GRID2: variants seen among roughly 807,000 people sequenced by gnomAD.
GRID2 encodes glutamate receptor ionotropic, delta-2.
Under a neutral mutation model 114.8 loss-of-function variants are expected in GRID2, and 33 were observed. The ratio of observed to expected loss-of-function variants is 0.29; its 90% confidence interval spans 0.22 to 0.38. The LOEUF (loss-of-function observed/expected upper bound fraction) is 0.38, where lower values mean the gene tolerates loss of function less well. Ranked by LOEUF, GRID2 falls within the 10% of genes least tolerant of loss-of-function variation. The probability of loss-of-function intolerance (pLI) is 1.00; values close to 1 mark genes in which losing one functional copy is unlikely to be tolerated. For synonymous variants in GRID2, 505 were observed against 449.9 expected (o/e 1.12, Z -1.55); for missense variants, 1,184 against 1,257.7 (o/e 0.94, Z 0.89).
chr4:92,635,262 T>C (rs1731012566), intron 2 of GRID2, among the ~76,000 whole-genome samples: 1 of 152,084 alleles, frequency 6.6e-6, no homozygotes, highest in South Asian at 2.1e-4. Context: ...GTTTTTAAAT[T>C]GTGATGGCTA....
Position 93,062,103 on chromosome 4 carries a change from T to C in GRID2, c.245-22892T>C, listed in dbSNP as rs72885767. Among the ~76,000 whole-genome samples the C allele has an allele frequency of 8.4e-3, 1,281 of 152,284 alleles. 27 individuals carry two copies. The highest frequency in any genetic ancestry group is 0.029 in the African/African-American group (1,215 of 41,574). On this transcript the variant is annotated intron_variant, in intron 2 of 15. Transcript: ENST00000282020. ...GAGGCAGTTACAGACTTGCTGTTAA[T>C]TCTTTTATTCCCAGGAGCTATATAA...
At position 92,581,804 on chromosome 4, in the gene GRID2, C is replaced by T. The variant is rs140724667; in HGVS notation, c.89-8327C>T. ...GGTGTCTGAATTATTAAAAATATTT[C>T]GGACACTAGCTAAATGTAAATTACA... On this transcript the variant is annotated intron_variant, in intron 1 of 15. Coordinates refer to ENST00000282020, the MANE Select transcript of GRID2 (RefSeq NM_001510.4). 1.0e-3 allele frequency among the ~76,000 whole-genome samples: 157 copies of T among 152,100 alleles called. 1 individual carries two copies. Among genetic ancestry groups the T allele is most frequent in the Middle Eastern group, 3.4e-3 (1 of 294 alleles).
Position 93,689,231 on chromosome 4 carries a change from T to A in GRID2, c.2360+62796T>A, listed in dbSNP as rs140439441. The stretch of plus-strand genomic sequence containing the variant: ...TGTAAGAAAGTTAATTTCTGTGGTT[T>A]AAGCCACCCAGTCTGTGGTACTTTG... On this transcript the variant is annotated intron_variant, in intron 14 of 15. Coordinates refer to ENST00000282020, the MANE Select transcript of GRID2 (RefSeq NM_001510.4). 4.0e-3 allele frequency among the ~76,000 whole-genome samples: 601 copies of A among 152,132 alleles called. 2 individuals carry two copies. Among genetic ancestry groups the A allele is most frequent in the Non-Finnish European group, 6.6e-3 (450 of 67,928 alleles).
At chr4:92,865,181 C>T (rs1744775795) in intron 2 of GRID2, among the ~76,000 whole-genome samples, 1 of 152,150 alleles carries the variant, frequency 6.6e-6, no homozygotes, top group African/African-American at 2.4e-5. Context: ...AACCCTAGAG[C>T]ACCAATTGTT....
chr4:92,672,733 C>A (rs1485804695), intron 2 of GRID2, among the ~76,000 whole-genome samples: 2 of 151,880 alleles, frequency 1.3e-5, no homozygotes, highest in Middle Eastern at 3.2e-3. Context: ...ATTTAGGGGG[C>A]ACATGTTTAT....
intron 4 of GRID2, among the ~76,000 whole-genome samples, chr4:93,141,462 C>A (rs1393191301): frequency 1.3e-5 from 2 of 152,024 alleles, no homozygotes; most frequent in Admixed American, 1.3e-4. Context: ...CAGTTTCAAG[C>A]CTCTGAGATA....
At chr4:92,640,527 A>C (rs991304102) in intron 2 of GRID2, among the ~76,000 whole-genome samples, 22 of 151,908 alleles carry the variant, frequency 1.4e-4, no homozygotes, top group Admixed American at 1.2e-3. Context: ...GCTAAAGCCC[A>C]GGATATGACT....
intron 8 of GRID2, among the ~76,000 whole-genome samples, chr4:93,310,619 T>C (rs1755912376): frequency 6.6e-6 from 1 of 152,032 alleles, no homozygotes; most frequent in Admixed American, 6.6e-5. Flanking sequence ...ACAAATTGAG[T>C]TGAAAGTGTT....
At chr4:93,438,066 G>A (rs1355989801) in intron 10 of GRID2, among the ~76,000 whole-genome samples, 1 of 152,046 alleles carries the variant, frequency 6.6e-6, no homozygotes, top group Admixed American at 6.6e-5. Context: ...TGTATGCCAA[G>A]CACACAGCAG....
intron 9 of GRID2, among the ~76,000 whole-genome samples, chr4:93,398,503 G>T (rs532114726): frequency 6.6e-6 from 1 of 151,874 alleles, no homozygotes; most frequent in African/African-American, 2.4e-5. Flanking sequence ...AGTTGAAAAT[G>T]CTTACGTCTG....
chr4:92,895,070 G>A (rs1027884855), intron 2 of GRID2, among the ~76,000 whole-genome samples: 5 of 151,872 alleles, frequency 3.3e-5, no homozygotes, highest in African/African-American at 9.7e-5. Context: ...TATTTGTCAT[G>A]CCACAGGGAT....
At chr4:92,865,551 G>C (rs1179179825) in intron 2 of GRID2, among the ~76,000 whole-genome samples, 4 of 152,104 alleles carry the variant, frequency 2.6e-5, no homozygotes, top group Non-Finnish European at 1.5e-5. Context: ...TTTGTCATTA[G>C]ACATACATAT....
Position 92,886,668 on chromosome 4 carries a change from C to T in GRID2, c.245-198327C>T, listed in dbSNP as rs868051284. Among the ~76,000 whole-genome samples, 16 of 152,152 alleles carry T rather than the reference C, an allele frequency of 1.1e-4. No individual in the cohort carries two copies. In the Middle Eastern group the frequency reaches 0.01, roughly 97 times the overall value. ...TGAGACGGAGTCTCGCTCTTTCGCC[C>T]AGGCTGGAGCGCAGCGGAGCGATTT... On this transcript the variant is annotated intron_variant, in intron 2 of 15. Coordinates refer to ENST00000282020, the MANE Select transcript of GRID2 (RefSeq NM_001510.4).
chr4:92,533,295 TAC>T (rs374653397), intron 1 of GRID2, among the ~76,000 whole-genome samples: 82 of 151,908 alleles, frequency 5.4e-4, no homozygotes, highest in African/African-American at 1.9e-3. Flanking sequence ...ATTCAACATT[TAC>T]ACACACACAT....
chr4:92,699,585 C>A (rs529129565), intron 2 of GRID2, among the ~76,000 whole-genome samples: 3 of 152,302 alleles, frequency 2.0e-5, no homozygotes, highest in Non-Finnish European at 4.4e-5. Flanking sequence ...TAGATGCTTT[C>A]ATTAGTAAAC....
intron 1 of GRID2, among the ~76,000 whole-genome samples, chr4:92,457,363 C>T (rs1721268722): frequency 6.6e-6 from 1 of 152,058 alleles, no homozygotes; most frequent in Admixed American, 6.6e-5. Context: ...TTGTAAGGAA[C>T]TTGAAGGCAA....
At chr4:92,775,361 A>G (rs1335733939) in intron 2 of GRID2, among the ~76,000 whole-genome samples, 1 of 152,168 alleles carries the variant, frequency 6.6e-6, no homozygotes, top group African/African-American at 2.4e-5. Context: ...CAGCTGACAA[A>G]AACAAAATTA....
At chr4:93,044,180 C>T (rs528888896) in intron 2 of GRID2, among the ~76,000 whole-genome samples, 146 of 152,152 alleles carry the variant, frequency 9.6e-4, no homozygotes, top group African/African-American at 3.4e-3. Flanking sequence ...ATGGAGAAAG[C>T]TTCGTAGAGT....
chr4:92,884,252 C>A (rs879133832), intron 2 of GRID2, among the ~76,000 whole-genome samples: 1 of 152,130 alleles, frequency 6.6e-6, no homozygotes, highest in African/African-American at 2.4e-5. Flanking sequence ...CCTCTCTCAG[C>A]CTTCATAGAG....
Sources: allele counts gnomAD v4.1 joint callset (sites outside exome capture counted in the v4.1 genomes callset), GRCh38; gene constraint gnomAD v4.1.1; transcripts MANE v1.5; gene names NCBI Gene and HGNC (gene_info 2026-07-23, HGNC 2026-07-21).